IPCEF1: variants seen among roughly 807,000 people sequenced by gnomAD.
IPCEF1 encodes interaction protein for cytohesin exchange factors 1, also known as interactor protein for cytohesin exchange factors 1.
IPCEF1 carries 31 observed loss-of-function variants against 50.9 expected under a neutral mutation model. That is an observed-to-expected ratio of 0.61 (90% confidence interval 0.46 to 0.82). The LOEUF (loss-of-function observed/expected upper bound fraction) is 0.82. Ranked by LOEUF, IPCEF1 falls within the 40% of genes least tolerant of loss-of-function variation. The pLI, the probability that IPCEF1 is intolerant of heterozygous loss-of-function variation, is 0.00. For missense variants in IPCEF1, 458 were observed against 514.0 expected, an observed-to-expected ratio of 0.89 and a Z score of 1.05; for synonymous variants, 181 against 192.0, an observed-to-expected ratio of 0.94 and a Z score of 0.47.
chr6:154,284,767 C>T (rs1409836117), intron 2 of IPCEF1, among the ~76,000 whole-genome samples: 2 of 152,044 alleles, frequency 1.3e-5, no homozygotes, highest in African/African-American at 2.4e-5. Context: ...TTTGGGAGGC[C>T]GAGGCGGGTG....
At chr6:154,226,613 C>A (rs918120345) in intron 5 of IPCEF1, among the ~76,000 whole-genome samples, 2 of 152,066 alleles carry the variant, frequency 1.3e-5, no homozygotes, top group Non-Finnish European at 2.9e-5. Flanking sequence ...GTTGAATTAC[C>A]GCAAAAGTCT....
chr6:154,161,042 T>C (rs1372328723), intron 11 of IPCEF1, among the ~76,000 whole-genome samples: 1 of 152,194 alleles, frequency 6.6e-6, no homozygotes, highest in Non-Finnish European at 1.5e-5. Context: ...CCCAGTCTAA[T>C]GTACTGGCAT....
At chr6:154,286,219 A>C (rs1583947443) in intron 2 of IPCEF1, among the ~76,000 whole-genome samples, 1 of 152,086 alleles carries the variant, frequency 6.6e-6, no homozygotes. Context: ...GGGGAGGGAG[A>C]GCATTAGGAC....
intron 3 of IPCEF1, among the ~76,000 whole-genome samples, chr6:154,255,013 C>T (rs1338491314): frequency 1.3e-5 from 2 of 152,018 alleles, no homozygotes; most frequent in Non-Finnish European, 2.9e-5. Flanking sequence ...GTTTGAATGA[C>T]TACTCTCTTG....
At position 154,209,937 on chromosome 6, in the gene IPCEF1, A is replaced by G. The variant is rs143920978; in HGVS notation, c.537+2833T>C. Among the ~76,000 whole-genome samples the G allele has an allele frequency of 6.2e-4, 95 of 152,368 alleles. No individual in the cohort carries two copies. The East Asian group carries it at 0.018, about 28-fold the overall frequency. ...CTCAACTTAGAACTTCTAAAAAATA[A>G]CATTTGATTGATGATTCAAAAAATT... On this transcript the variant is annotated intron_variant, in intron 9 of 11. Transcript: ENST00000367220.
At chr6:154,354,456 C>CACCATCTCCTCCACCACCACCTCA (rs1784176582) in intron 1 of IPCEF1, among the ~76,000 whole-genome samples, 1 of 151,784 alleles carries the variant, frequency 6.6e-6, no homozygotes, top group Non-Finnish European at 1.5e-5. Context: ...CCACCACCTC[C>CACCATCTCCTCCACCACCACCTCA]ACCATCTCCT....
intron 1 of IPCEF1, among the ~76,000 whole-genome samples, chr6:154,353,293 CTTTTT>C (rs914097422): frequency 7.8e-6 from 1 of 127,856 alleles, no homozygotes; most frequent in Admixed American, 8.3e-5. Flanking sequence ...TTTCCTTTTC[CTTTTT>C]TTTTTTTTTT....
At chr6:154,331,023 T>C (rs1783646387) in intron 1 of IPCEF1, among the ~76,000 whole-genome samples, 1 of 151,982 alleles carries the variant, frequency 6.6e-6, no homozygotes, top group Admixed American at 6.6e-5. Context: ...AAATAATAAT[T>C]CAGGAGGCCG....
intron 3 of IPCEF1, among the ~76,000 whole-genome samples, chr6:154,254,928 C>T (rs1781426487): frequency 6.6e-6 from 1 of 152,002 alleles, no homozygotes; most frequent in African/African-American, 2.4e-5. Context: ...TTCTCACATG[C>T]AATTTCTCTG....
intron 1 of IPCEF1, among the ~76,000 whole-genome samples, chr6:154,305,712 G>A (rs1237443633): frequency 2.0e-5 from 3 of 152,162 alleles, no homozygotes; most frequent in African/African-American, 7.2e-5. Flanking sequence ...ATACGGGTGG[G>A]CACCATCCAA....
At chr6:154,220,385 C>A (rs1030179915) in intron 7 of IPCEF1, among the ~76,000 whole-genome samples, 7 of 152,170 alleles carry the variant, frequency 4.6e-5, no homozygotes, top group Non-Finnish European at 1.0e-4. Context: ...TGACCAGGTG[C>A]GGTGGCTTAC....
chr6:154,166,827 T>C (rs1198811475), intron 11 of IPCEF1, among the ~76,000 whole-genome samples: 1 of 152,208 alleles, frequency 6.6e-6, no homozygotes, highest in Non-Finnish European at 1.5e-5. Flanking sequence ...AATAATCAAA[T>C]ATATTCATCA....
chr6:154,309,978 G>T (rs1466263649), intron 1 of IPCEF1, among the ~76,000 whole-genome samples: 2 of 152,074 alleles, frequency 1.3e-5, no homozygotes, highest in African/African-American at 4.8e-5. Flanking sequence ...TGGCCAGGCT[G>T]GTCTTGAACT....
chr6:154,281,066 G>A (rs776049721), intron 2 of IPCEF1, among the ~76,000 whole-genome samples: 8 of 151,532 alleles, frequency 5.3e-5, no homozygotes, highest in Admixed American at 1.3e-4. Flanking sequence ...AAGGCCAGTC[G>A]CAGTGGCTCA....
intron 1 of IPCEF1, among the ~76,000 whole-genome samples, chr6:154,321,112 G>A (rs1783362674): frequency 1.3e-5 from 2 of 151,842 alleles, no homozygotes; most frequent in South Asian, 2.1e-4. Context: ...TGTATTTTTT[G>A]TAGCGACGGG....
intron 10 of IPCEF1, among the ~76,000 whole-genome samples, chr6:154,177,510 T>C (rs1800440690): frequency 1.3e-5 from 2 of 152,204 alleles, no homozygotes; most frequent in Admixed American, 1.3e-4. Flanking sequence ...AAGGAAGACA[T>C]TTATGCAGCC....
chr6:154,271,956 C>G (rs558149664), intron 2 of IPCEF1, among the ~76,000 whole-genome samples: 2 of 152,280 alleles, frequency 1.3e-5, no homozygotes, highest in South Asian at 4.1e-4. Flanking sequence ...TATTGCACTC[C>G]ATCCTGAACA....
At chr6:154,288,682 A>AC (rs1782433878) in intron 2 of IPCEF1, among the ~76,000 whole-genome samples, 1 of 48,400 alleles carries the variant, frequency 2.1e-5, no homozygotes, top group Non-Finnish European at 3.3e-5. Context: ...AAAACAAAAA[A>AC]AAAAAAAAAA....
chr6:154,161,670 G>A (rs1799029392), intron 11 of IPCEF1, among the ~76,000 whole-genome samples: 1 of 152,128 alleles, frequency 6.6e-6, no homozygotes. Flanking sequence ...GTACATTTAG[G>A]TATTTACGGG....
Sources: allele counts gnomAD v4.1 joint callset (sites outside exome capture counted in the v4.1 genomes callset), GRCh38; gene constraint gnomAD v4.1.1; transcripts MANE v1.5; gene names NCBI Gene and HGNC (gene_info 2026-07-23, HGNC 2026-07-21).